IL4I1: variants seen among roughly 807,000 people sequenced by gnomAD.
The protein encoded by IL4I1 is interleukin 4 induced 1.
IL4I1 carries 24 observed loss-of-function variants against 29.7 expected under a neutral mutation model. The ratio of observed to expected loss-of-function variants is 0.81; its 90% CI spans 0.59 to 1.14. The LOEUF (loss-of-function observed/expected upper bound fraction) is 1.14. Ranked by LOEUF, IL4I1 falls within the 50% of genes most tolerant of loss-of-function variation. The pLI, the probability that IL4I1 is intolerant of heterozygous loss-of-function variation, is 0.00. For synonymous variants in IL4I1, 371 were observed against 352.5 expected, an observed-to-expected ratio of 1.05 and a Z score of -0.59; for missense variants, 686 against 785.6, an observed-to-expected ratio of 0.87 and a Z score of 1.52.
intron 2 of IL4I1, among the ~76,000 whole-genome samples, chr19:49,923,167 G>C (rs1024449313): frequency 6.6e-6 from 1 of 152,122 alleles, no homozygotes; most frequent in Non-Finnish European, 1.5e-5. Flanking sequence ...TGTGGGCCAC[G>C]TGGCAGCCTG....
intron 1 of IL4I1, chr19:49,928,461 G>A (rs1365380085): frequency 1.3e-5 from 2 of 151,562 alleles, no homozygotes; most frequent in African/African-American, 2.4e-5. Flanking sequence ...AGTTTGCAGT[G>A]AGCCGAGATC....
At chr19:49,901,584 G>T, upstream of IL4I1, 1 of 1,274,244 alleles carries the variant, frequency 7.8e-7, no homozygotes, top group Non-Finnish European at 1.1e-6. Flanking sequence ...CCCTTCCCAT[G>T]GAACCCTCCT....
chr19:49,904,427 G>A (rs1314555859), intron 2 of IL4I1: 1 of 151,960 alleles, frequency 6.6e-6, no homozygotes, highest in African/African-American at 2.4e-5. Context: ...TCCCCCAGGA[G>A]GCCTGTTGGG....
chr19:49,891,374 G>A (rs781585472), intron 6 of IL4I1, 31 bp downstream of exon 6: 2 of 1,607,170 alleles, frequency 1.2e-6, no homozygotes, highest in South Asian at 1.1e-5. Context: ...TCTTTGCCCT[G>A]CATCTCAGCA....
At chr19:49,917,798 AGGTG>A (rs1431713323) in intron 2 of IL4I1, 1 of 152,254 alleles carries the variant, frequency 6.6e-6, no homozygotes. Context: ...TGGCAGGCCG[AGGTG>A]GGTGGATTAC....
chr19:49,908,752 G>T, intron 2 of IL4I1: 1 of 1,613,612 alleles, frequency 6.2e-7, no homozygotes, highest in African/African-American at 1.3e-5. Flanking sequence ...TGGCCTGCTG[G>T]AGGAAGTGCC....
intron 1 of IL4I1, 26 bp downstream of exon 1, chr19:49,896,809 C>G (rs777626757): frequency 9.0e-5 from 89 of 984,616 alleles, no homozygotes; most frequent in South Asian, 1.9e-4. Flanking sequence ...GTCTCTCTGT[C>G]CCCCCACCAC....
chr19:49,915,484 C>A (rs1212850118), intron 2 of IL4I1, among the ~76,000 whole-genome samples: 5 of 152,224 alleles, frequency 3.3e-5, no homozygotes, highest in African/African-American at 7.2e-5. Flanking sequence ...CCCAGAGGAA[C>A]TACACACCAT....
At chr19:49,909,131 G>A (rs1399188881) in intron 2 of IL4I1, 1 of 1,612,518 alleles carries the variant, frequency 6.2e-7, no homozygotes, top group Non-Finnish European at 8.5e-7. Flanking sequence ...TGGAGCAGTT[G>A]CTATTGACGC....
intron 6 of IL4I1, 58 bp from the exon 7 acceptor site, chr19:49,891,165 C>G: frequency 6.3e-7 from 1 of 1,584,188 alleles, no homozygotes; most frequent in South Asian, 1.1e-5. Context: ...CCTGAGAGAG[C>G]CCCTCCGCAG....
chr19:49,894,589 G>T, intron 4 of IL4I1, 120 bp from the exon 5 acceptor site: 2 of 682,602 alleles, frequency 2.9e-6, no homozygotes, highest in Admixed American at 2.2e-5. Context: ...GAGGCTGGGG[G>T]TGGGGCTAGA....
At chr19:49,907,157 A>G (rs1160423407) in intron 2 of IL4I1, 1 of 168,748 alleles carries the variant, frequency 5.9e-6, no homozygotes, top group African/African-American at 2.4e-5. Context: ...ATGGGAACTC[A>G]CAATCTAACA....
At chr19:49,916,341 G>A (rs1366084019) in intron 2 of IL4I1, among the ~76,000 whole-genome samples, 1 of 151,710 alleles carries the variant, frequency 6.6e-6, no homozygotes, top group African/African-American at 2.4e-5. Context: ...GGCCAACATG[G>A]TGTATCTTTT....
At chr19:49,929,491 G>C (rs2076015349) in exon 1 of IL4I1, 1 of 152,382 alleles carries the variant, frequency 6.6e-6, no homozygotes, top group African/African-American at 2.4e-5. Flanking sequence ...GTGGGGAGTC[G>C]CGAGCGGGGA....
At chr19:49,909,696 C>T (rs2075413593) in intron 2 of IL4I1, 3 of 1,614,014 alleles carry the variant, frequency 1.9e-6, no homozygotes, top group Admixed American at 1.7e-5. Flanking sequence ...CCTCCAGTGC[C>T]AGAGGTGGAG....
chr19:49,915,824 T>G (rs1232614693), intron 2 of IL4I1, among the ~76,000 whole-genome samples: 1 of 152,206 alleles, frequency 6.6e-6, no homozygotes, highest in Non-Finnish European at 1.5e-5. Flanking sequence ...TGTGGATGTG[T>G]GTGGGTGGAT....
intron 2 of IL4I1, chr19:49,909,939 T>A (rs1324888886): frequency 1.1e-6 from 1 of 910,160 alleles, no homozygotes; most frequent in Non-Finnish European, 1.8e-6. Flanking sequence ...GCAAGCTCAG[T>A]GGCATGACTG....
Position 49,890,191 on chromosome 19 carries a change from G to A in IL4I1, c.1183C>T (p.Leu395=). The change falls in exon 8 of 8, where the codon CTG becomes TTG. Residue 395 remains leucine, a synonymous_variant. Transcript: ENST00000391826. The part of the protein sequence containing the change: ...YPPPREGALL[L]ASYTWSDAAA... ...GCGTCCGACCACGTGTACGAGGCCA[G>A]CAGCAGCGCGCCCTCGCGCGGCGGC... 6.5e-7 allele frequency: 1 copy of A among 1,544,100 alleles called. No individual in the cohort carries two copies. The highest frequency in any genetic ancestry group is 8.7e-7 in the Non-Finnish European group (1 of 1,143,042).
rs1202628580 is a variant in IL4I1 at position 49,909,512 on chromosome 19, A to G, written c.-227-5191T>C. The G allele has an allele frequency of 6.2e-6, 10 of 1,614,006 alleles. No individual in the cohort carries two copies. In the Admixed American group the frequency reaches 1.7e-4, roughly 27 times the overall value. Reference sequence around the variant, plus strand: ...GGCTGGGGTGGCAGCTGTGTTGCTCAAGTTGAGCTTTGAAGCACCGATCCC... The same window carrying G: ...GGCTGGGGTGGCAGCTGTGTTGCTCGAGTTGAGCTTTGAAGCACCGATCCC... On this transcript the variant is annotated intron_variant, in intron 2 of 9. Transcript: ENST00000341114.
Sources: allele counts gnomAD v4.1 joint callset (sites outside exome capture counted in the v4.1 genomes callset), GRCh38; gene constraint gnomAD v4.1.1; transcripts MANE v1.5; gene names NCBI Gene and HGNC (gene_info 2026-07-23, HGNC 2026-07-21).